Variants in PTPN9 observed in about 807,000 individuals in gnomAD.
PTPN9 encodes the protein tyrosine-protein phosphatase non-receptor type 9.
In PTPN9, 26 loss-of-function variants were observed where a neutral mutation model predicts 69.8. The observed-to-expected ratio is 0.37, with a 90% confidence interval of 0.27 to 0.52. The LOEUF (loss-of-function observed/expected upper bound fraction) is 0.52, where lower values mean the gene tolerates loss of function less well. PTPN9 is among the 20% of genes least tolerant of loss of function. PTPN9 has a pLI of 0.91. For synonymous variants in PTPN9, 274 were observed against 272.5 expected (o/e 1.01, Z -0.05); for missense variants, 549 against 740.3 (o/e 0.74, Z 3.00).
intron 10 of PTPN9, 172 bp from the exon 11 acceptor site, chr15:75,471,002 A>C: frequency 1.3e-6 from 1 of 761,328 alleles, no homozygotes; most frequent in Non-Finnish European, 2.0e-6. Context: ...ATTCTAAACA[A>C]ATGTACTCAC....
intron 7 of PTPN9, 42 bp downstream of exon 7, chr15:75,505,633 C>A: frequency 6.7e-7 from 1 of 1,498,546 alleles, no homozygotes; most frequent in Admixed American, 1.7e-5. Context: ...CTACCAGAAG[C>A]ATCCTGGTAA....
intron 9 of PTPN9, among the ~76,000 whole-genome samples, chr15:75,474,471 AG>A (rs1264767872): frequency 5.9e-5 from 9 of 151,982 alleles, no homozygotes; most frequent in Non-Finnish European, 1.3e-4. Flanking sequence ...GTGAGCCAAG[AG>A]CGCACCACTG....
At chr15:75,530,740 T>TATA (rs1178842497) in intron 1 of PTPN9, among the ~76,000 whole-genome samples, 1 of 75,562 alleles carries the variant, frequency 1.3e-5, no homozygotes, top group Non-Finnish European at 2.3e-5. Context: ...TATATTATTA[T>TATA]ATAATATATA....
chr15:75,469,176 G>C (rs538320781), intron 12 of PTPN9, among the ~76,000 whole-genome samples, 193 bp from the exon 13 acceptor site: 1 of 152,230 alleles, frequency 6.6e-6, no homozygotes, highest in Non-Finnish European at 1.5e-5. Context: ...AAATGAGAAG[G>C]CCTCTTATTT....
intron 7 of PTPN9, among the ~76,000 whole-genome samples, chr15:75,490,632 C>CTT (rs536756283): frequency 7.4e-5 from 11 of 149,384 alleles, no homozygotes; most frequent in African/African-American, 2.2e-4. Context: ...GAGCTTATCT[C>CTT]TTTTTTTTTT....
chr15:75,578,255 T>C (rs987384694), intron 1 of PTPN9, among the ~76,000 whole-genome samples: 5 of 152,024 alleles, frequency 3.3e-5, no homozygotes, highest in Non-Finnish European at 5.9e-5. Flanking sequence ...CATCCAATAC[T>C]CTCAGCCCTC....
rs1349738771 is a variant in PTPN9 at position 75,470,840 on chromosome 15, C to G, written c.1209-10G>C. On this transcript the variant is annotated splice_polypyrimidine_tract_variant and intron_variant, in intron 10 of 12. Transcript: ENST00000618819. ...GCCGCCTTCCTCAAAGCTGAAGACA[C>G]ACAGAGCAAGGTAAGCCTTCCATCG... 1 of 1,613,590 alleles carries G rather than the reference C, an allele frequency of 6.2e-7. No homozygotes were observed. Among genetic ancestry groups the G allele is most frequent in the East Asian group, 2.2e-5 (1 of 44,904 alleles).
intron 5 of PTPN9, among the ~76,000 whole-genome samples, chr15:75,509,594 G>A (rs778617742): frequency 1.3e-4 from 20 of 152,140 alleles, no homozygotes; most frequent in Non-Finnish European, 2.8e-4. Context: ...GGCTGAGGTA[G>A]GAGAATCACT....
At chr15:75,537,753 C>CAAAAAAAAAAAAAAAAAATAAAA (rs2074990332) in intron 1 of PTPN9, among the ~76,000 whole-genome samples, 1 of 11,382 alleles carries the variant, frequency 8.8e-5, no homozygotes, top group Non-Finnish European at 1.6e-4. Flanking sequence ...GACTCCATCT[C>CAAAAAAAAAAAAAAAAAATAAAA]AAAAAAAAAA....
In PTPN9 at chr15:75,506,000, G is replaced by T; in HGVS notation, c.643C>A (p.Gln215Lys). The change falls in exon 7 of 13, where the codon CAA (glutamine) becomes AAA (lysine). Residue 215 changes from glutamine to lysine, a missense_variant. Coordinates refer to ENST00000618819, the MANE Select transcript of PTPN9 (RefSeq NM_002833.4). ...GTGACCTCAGATGTCTTTAATATTT[G>T]AATCTGGAAGGTTAGAAAGAACCAT... is the stretch of plus-strand genomic sequence containing the variant. ...LLKDKVRERIQILKTSEVTQH... is the reference protein window; with the variant it reads ...LLKDKVRERIKILKTSEVTQH... 2 of 1,606,304 alleles carry T rather than the reference G, an allele frequency of 1.2e-6. No individual in the cohort carries two copies. The highest frequency in any genetic ancestry group is 1.7e-6 in the Non-Finnish European group (2 of 1,173,730).
chr15:75,513,510 T>A, intron 5 of PTPN9: 1 of 424,818 alleles, frequency 2.4e-6, no homozygotes, highest in South Asian at 1.7e-5. Flanking sequence ...ATCACACCTG[T>A]AATCCCAGGA....
At chr15:75,533,816 T>C (rs2074972679) in intron 1 of PTPN9, among the ~76,000 whole-genome samples, 1 of 151,894 alleles carries the variant, frequency 6.6e-6, no homozygotes, top group Non-Finnish European at 1.5e-5. Flanking sequence ...TACATCAAAC[T>C]CCCAAGAGCA....
chr15:75,504,182 G>GC (rs2074798186), intron 7 of PTPN9, among the ~76,000 whole-genome samples: 1 of 118,986 alleles, frequency 8.4e-6, no homozygotes, highest in Non-Finnish European at 1.8e-5. Flanking sequence ...AGGTGGGGGG[G>GC]TCAGCCCCAT....
At chr15:75,480,720 T>C in intron 8 of PTPN9, 3 of 1,311,858 alleles carry the variant, frequency 2.3e-6, no homozygotes, top group Non-Finnish European at 2.0e-6. Context: ...GCCGGGAGGA[T>C]GGAGTTCAGC....
At chr15:75,539,125 G>A (rs1010439042) in intron 1 of PTPN9, among the ~76,000 whole-genome samples, 4 of 152,074 alleles carry the variant, frequency 2.6e-5, no homozygotes, top group Non-Finnish European at 4.4e-5. Context: ...GGTGGCTCAC[G>A]CCTGTAATCT....
rs1273270542 is a variant in PTPN9 at position 75,479,901 on chromosome 15, T to C, written c.1076A>G (p.Asn359Ser). The C allele has an allele frequency of 1.9e-6, 3 of 1,609,626 alleles. No individual in the cohort carries two copies. The highest frequency in any genetic ancestry group is 1.7e-5 in the Admixed American group (1 of 59,442). Reference sequence around the variant, plus strand: ...CTTGTAGCCATCCATGAAACTGGCATTGATGTAATCTGTCTAATGATAAAA... The same window carrying C: ...CTTGTAGCCATCCATGAAACTGGCACTGATGTAATCTGTCTAATGATAAAA... Reference protein sequence around the residue: ...RSGHTQTDYINASFMDGYKQK... With the variant: ...RSGHTQTDYISASFMDGYKQK... The change falls in exon 9 of 13, where the codon AAT becomes AGT. Residue 359 changes from asparagine (N) to serine (S), a missense_variant. Physicochemically the swap from Asn to Ser is conservative, Grantham distance 46. Around this residue, in one of 3 missense-constraint regions of PTPN9, gnomAD observed 457 missense variants for 661.9 expected, o/e 0.69. Coordinates refer to ENST00000618819, the MANE Select transcript of PTPN9 (RefSeq NM_002833.4).
intron 7 of PTPN9, among the ~76,000 whole-genome samples, chr15:75,491,131 G>C (rs551298577): frequency 6.6e-6 from 1 of 152,076 alleles, no homozygotes; most frequent in South Asian, 2.1e-4. Flanking sequence ...AGCTGGGTGT[G>C]GTGGCTCATG....
At chr15:75,472,757 T>G (rs1595944978) in intron 10 of PTPN9, among the ~76,000 whole-genome samples, 1 of 133,320 alleles carries the variant, frequency 7.5e-6, no homozygotes, top group Admixed American at 8.4e-5. Context: ...CCCACCTGGG[T>G]GACAGAGCAA....
intron 8 of PTPN9, among the ~76,000 whole-genome samples, chr15:75,486,984 A>G (rs1426927913): frequency 3.3e-5 from 5 of 151,878 alleles, no homozygotes; most frequent in African/African-American, 1.2e-4. Flanking sequence ...ACGGGGTTTC[A>G]CCGTGTTAGC....
Sources: gnomAD v4.1 joint callset for allele counts (sites outside exome capture counted in the v4.1 genomes callset) on GRCh38, gnomAD v4.1.1 for gene constraint, gnomAD v4.1.1 regional missense constraint, MANE v1.5 for transcripts, NCBI Gene and HGNC (gene_info 2026-07-23, HGNC 2026-07-21) for gene names.